The following PTPRT variants were observed in gnomAD, a reference collection of about 807,000 sequenced individuals.
The protein encoded by PTPRT is protein tyrosine phosphatase receptor type T, also known as receptor-type tyrosine-protein phosphatase T.
PTPRT carries 56 observed loss-of-function variants against 176.8 expected under a neutral mutation model. That is an observed-to-expected ratio of 0.32 (90% CI 0.26 to 0.40). The LOEUF is 0.40. Among genes scored for constraint, PTPRT ranks in the 10% least tolerant of loss-of-function variants. PTPRT has a pLI of 1.00. For synonymous variants in PTPRT, 783 were observed against 739.0 expected (o/e 1.06, Z -0.96); for missense variants, 1,540 against 1,908.2 (o/e 0.81, Z 3.60).
At chr20:42,655,995 C>A (rs1486032923) in intron 7 of PTPRT, among the ~76,000 whole-genome samples, 1 of 152,100 alleles carries the variant, frequency 6.6e-6, no homozygotes, top group Non-Finnish European at 1.5e-5. Flanking sequence ...TAAGAAATAC[C>A]ATCAAGTGCA....
intron 27 of PTPRT, among the ~76,000 whole-genome samples, chr20:42,086,273 T>C (rs927118690): frequency 8.5e-5 from 13 of 152,146 alleles, no homozygotes; most frequent in Admixed American, 3.3e-4. Flanking sequence ...GAAGGACACA[T>C]TGGCCAGAAA....
chr20:42,380,082 G>A (rs2058685122), intron 9 of PTPRT, among the ~76,000 whole-genome samples: 1 of 152,180 alleles, frequency 6.6e-6, no homozygotes, highest in African/African-American at 2.4e-5. Flanking sequence ...GTGTGAGGCT[G>A]GTAGTCCACT....
intron 2 of PTPRT, among the ~76,000 whole-genome samples, chr20:42,846,646 T>C (rs2078377738): frequency 6.6e-6 from 1 of 152,126 alleles, no homozygotes. Flanking sequence ...AGTGAATGAG[T>C]TGCAAGCCCA....
chr20:42,970,112 T>C (rs747784869), intron 1 of PTPRT, among the ~76,000 whole-genome samples: 10 of 152,312 alleles, frequency 6.6e-5, no homozygotes, highest in Non-Finnish European at 1.3e-4. Context: ...CTAGCTGGTC[T>C]CAGCCCCATC....
intron 3 of PTPRT, among the ~76,000 whole-genome samples, chr20:42,789,122 A>C (rs944443480): frequency 6.6e-6 from 1 of 152,238 alleles, no homozygotes; most frequent in Non-Finnish European, 1.5e-5. Flanking sequence ...ATTATTACTA[A>C]TGAAAATAAA....
At position 43,172,829 on chromosome 20, in the gene PTPRT, G is replaced by A. The variant is rs117235806; in HGVS notation, c.88+16817C>T. On this transcript the variant is annotated intron_variant, in intron 1 of 30. Coordinates refer to ENST00000373187, the MANE Select transcript of PTPRT (RefSeq NM_007050.6). ...ACATACAGCTTATAAATTAGCACAG[G>A]CTTAACTTGAGCCCACAGTCTGAGA... Among the ~76,000 whole-genome samples the A allele has an allele frequency of 9.5e-3, 1,440 of 151,276 alleles. 10 individuals are homozygous for A. The highest frequency in any genetic ancestry group is 0.028 in the Middle Eastern group (8 of 288).
chr20:42,486,171 G>T (rs1233738376), intron 7 of PTPRT, among the ~76,000 whole-genome samples: 1 of 152,202 alleles, frequency 6.6e-6, no homozygotes, highest in Non-Finnish European at 1.5e-5. Flanking sequence ...TCTAATAGGG[G>T]CTGACACTTG....
At chr20:42,512,951 C>T (rs958800801) in intron 7 of PTPRT, among the ~76,000 whole-genome samples, 1 of 152,112 alleles carries the variant, frequency 6.6e-6, no homozygotes, top group Non-Finnish European at 1.5e-5. Flanking sequence ...CCTCCGCCTC[C>T]TGGGTTCAAG....
chr20:42,608,979 C>T (rs572155022), intron 7 of PTPRT, among the ~76,000 whole-genome samples: 3 of 152,238 alleles, frequency 2.0e-5, no homozygotes, highest in South Asian at 4.1e-4. Context: ...CAGGGAAGGA[C>T]GTCAGGGTTT....
chr20:42,420,483 T>C (rs772233515), intron 9 of PTPRT, among the ~76,000 whole-genome samples: 22 of 151,922 alleles, frequency 1.4e-4, no homozygotes, highest in Non-Finnish European at 3.2e-4. Flanking sequence ...AACAAACAAA[T>C]CATAAAGGGA....
intron 7 of PTPRT, among the ~76,000 whole-genome samples, chr20:42,496,927 T>C (rs1023767243): frequency 2.6e-5 from 4 of 152,046 alleles, no homozygotes; most frequent in Non-Finnish European, 4.4e-5. Context: ...ATTAGAGACG[T>C]TGTGTTTGGG....
chr20:42,135,588 T>G (rs956151356), intron 18 of PTPRT, among the ~76,000 whole-genome samples: 1 of 152,162 alleles, frequency 6.6e-6, no homozygotes, highest in Non-Finnish European at 1.5e-5. Flanking sequence ...TCAATCTGTC[T>G]TGGGAAAGAC....
intron 15 of PTPRT, among the ~76,000 whole-genome samples, chr20:42,201,536 A>G (rs1569712): frequency 0.97 from 147,382 of 152,030 alleles, 71,676 homozygotes; most frequent in African/African-American, 0.99. Context: ...AAATGTATAG[A>G]GACCCATAAT....
At chr20:42,622,187 C>G (rs1191488969) in intron 7 of PTPRT, among the ~76,000 whole-genome samples, 1 of 152,096 alleles carries the variant, frequency 6.6e-6, no homozygotes, top group Admixed American at 6.5e-5. Flanking sequence ...ATGGGTATGA[C>G]ATTGATTTGT....
intron 9 of PTPRT, among the ~76,000 whole-genome samples, chr20:42,425,411 T>C (rs1216757997): frequency 2.6e-5 from 4 of 152,188 alleles, no homozygotes; most frequent in African/African-American, 9.7e-5. Context: ...AATCATGCAA[T>C]ATTTGTCTTT....
rs1291796423 is a variant in PTPRT at position 42,634,018 on chromosome 20, ATATAATATATAT to A, written c.1153+43836_1153+43847del. Among the ~76,000 whole-genome samples, 46 of 27,480 alleles carry A rather than the reference ATATAATATATAT, an allele frequency of 1.7e-3. 3 individuals carry two copies. Among genetic ancestry groups the A allele is most frequent in the Admixed American group, 2.9e-3 (4 of 1,378 alleles). The allele number at this position is 27,480 out of a possible 152,430, so 18.0% of individuals were successfully genotyped here. On this transcript the variant is annotated intron_variant, in intron 7 of 30. Coordinates refer to ENST00000373187, the MANE Select transcript of PTPRT (RefSeq NM_007050.6). ...TATATATTATATATATATAATATATATATAATATATATATTATATATATTATATATATATTAT... is the reference window on the plus strand; with the variant it reads ...TATATATTATATATATATAATATATAATTATATATATTATATATATATTAT...
rs1194558108 is a variant in PTPRT at position 42,093,358 on chromosome 20, G to A, written c.3846+5063C>T. 2.0e-5 allele frequency among the ~76,000 whole-genome samples: 3 copies of A among 152,206 alleles called. No homozygotes were observed. In the East Asian group the frequency reaches 5.8e-4, roughly 29 times the overall value. On this transcript the variant is annotated intron_variant, in intron 27 of 30. Transcript: ENST00000373187. ...CCGCAAATCTGACCACAGACATTTG[G>A]AGTCCTAAAGAGTTAGAAAAATCTG...
intron 1 of PTPRT, among the ~76,000 whole-genome samples, chr20:43,048,582 G>A (rs1417258974): frequency 6.6e-6 from 1 of 152,176 alleles, no homozygotes; most frequent in African/African-American, 2.4e-5. Context: ...AAGGGGGTGG[G>A]AAACAGCAGA....
chr20:42,542,718 C>T (rs2072605590), intron 7 of PTPRT, among the ~76,000 whole-genome samples: 1 of 152,126 alleles, frequency 6.6e-6, no homozygotes, highest in African/African-American at 2.4e-5. Flanking sequence ...TTTATAAGAA[C>T]AAATGACTGC....
Sources: gnomAD v4.1 joint callset for allele counts (sites outside exome capture counted in the v4.1 genomes callset) on GRCh38, gnomAD v4.1.1 for gene constraint, MANE v1.5 for transcripts, NCBI Gene and HGNC (gene_info 2026-07-23, HGNC 2026-07-21) for gene names.